PRDM1: variants seen among roughly 807,000 people sequenced by gnomAD.
PRDM1 encodes PR/SET domain 1, also known as PR domain zinc finger protein 1.
In PRDM1, 13 loss-of-function variants were observed where a neutral mutation model predicts 62.8. That is an observed-to-expected ratio of 0.21 (90% CI 0.13 to 0.33). The LOEUF (loss-of-function observed/expected upper bound fraction) is 0.33, where lower values mean the gene tolerates loss of function less well. PRDM1 is among the 10% of genes least tolerant of loss of function. The probability of loss-of-function intolerance (pLI) is 1.00; values close to 1 mark genes in which losing one functional copy is unlikely to be tolerated. For synonymous variants in PRDM1, 396 were observed against 417.6 expected, an observed-to-expected ratio of 0.95 and a Z score of 0.63; for missense variants, 895 against 1,058.8, an observed-to-expected ratio of 0.85 and a Z score of 2.15.
intron 1 of PRDM1, among the ~76,000 whole-genome samples, chr6:106,019,409 C>T (rs941808334): frequency 1.3e-5 from 2 of 150,980 alleles, no homozygotes; most frequent in African/African-American, 2.4e-5. Flanking sequence ...ATAGATCGCT[C>T]ATACTGAGTT....
At chr6:106,054,907 A>G (rs547806728) in intron 1 of PRDM1, among the ~76,000 whole-genome samples, 2 of 152,340 alleles carry the variant, frequency 1.3e-5, no homozygotes, top group Admixed American at 1.3e-4. Context: ...GACAGAGTGG[A>G]TACATATTCT....
intron 1 of PRDM1, among the ~76,000 whole-genome samples, chr6:106,015,404 G>T (rs1000842410): frequency 3.9e-5 from 6 of 152,164 alleles, no homozygotes; most frequent in Admixed American, 2.6e-4. Context: ...AAATTATCCC[G>T]TTTGAGCTTG....
chr6:106,106,538 A>C lies in PRDM1; in HGVS notation c.1902+39A>C, dbSNP rs762723486. On this transcript the variant is annotated intron_variant, in intron 6 of 6. Coordinates refer to ENST00000369096, the MANE Select transcript of PRDM1 (RefSeq NM_001198.4). The surrounding 1 kb of genome is among the most constrained non-coding windows in gnomAD (Gnocchi z 4.4). ...TCTGGGTAGACCTTCTGACCTTTGTAGAAAATGTCTGTGAGTCACCCTCCC... is the reference window on the plus strand; with the variant it reads ...TCTGGGTAGACCTTCTGACCTTTGTCGAAAATGTCTGTGAGTCACCCTCCC... 15 of 1,612,486 alleles carry C rather than the reference A, an allele frequency of 9.3e-6. No individual in the cohort carries two copies. The highest frequency in any genetic ancestry group is 2.2e-5 in the East Asian group (1 of 44,866).
At chr6:106,075,544 C>T (rs1191976720) in intron 1 of PRDM1, among the ~76,000 whole-genome samples, 1 of 152,218 alleles carries the variant, frequency 6.6e-6, no homozygotes, top group Non-Finnish European at 1.5e-5. Context: ...CTGATCATCT[C>T]TTCCCTGGCC....
At chr6:106,053,691 G>A (rs897610220) in intron 1 of PRDM1, among the ~76,000 whole-genome samples, 2 of 152,080 alleles carry the variant, frequency 1.3e-5, no homozygotes, top group African/African-American at 4.8e-5. Flanking sequence ...CTCTCCTTGG[G>A]ACCTAGTTAT....
At chr6:106,099,898 G>C (rs1774219554) in intron 4 of PRDM1, among the ~76,000 whole-genome samples, 1 of 152,234 alleles carries the variant, frequency 6.6e-6, no homozygotes, top group Non-Finnish European at 1.5e-5. Flanking sequence ...GCCCTCATCT[G>C]TGGTACTTTG....
intron 1 of PRDM1, among the ~76,000 whole-genome samples, chr6:106,033,161 A>G (rs1405776177): frequency 3.9e-5 from 6 of 151,972 alleles, no homozygotes; most frequent in African/African-American, 1.5e-4. Flanking sequence ...TTTTTAAGAG[A>G]CTGAGTTTTG....
intron 1 of PRDM1, among the ~76,000 whole-genome samples, chr6:106,077,555 T>C (rs545306335): frequency 6.6e-6 from 1 of 152,378 alleles, no homozygotes; most frequent in South Asian, 2.1e-4. Flanking sequence ...AAACCAGGAC[T>C]GCATGTGGAC....
chr6:106,069,621 G>A (rs1038942396), intron 1 of PRDM1, among the ~76,000 whole-genome samples: 4 of 152,204 alleles, frequency 2.6e-5, no homozygotes, highest in African/African-American at 9.6e-5. Context: ...ATACCGTGGA[G>A]AAAGAGGGAC....
Position 106,106,831 on chromosome 6 carries a change from C to G in PRDM1, c.1903-80C>G. The G allele has an allele frequency of 6.9e-7, 1 of 1,445,568 alleles. No individual in the cohort carries two copies. The highest frequency in any genetic ancestry group is 9.4e-7 in the Non-Finnish European group (1 of 1,062,942). 89.5% of individuals were successfully genotyped at this position (1,445,568 alleles called of 1,614,324 possible). ...AGGTTGCTGGGCGTTGGCCGGTAAG[C>G]CTGCCCCTCCCGTTGGCAACTCTTA... On this transcript the variant is annotated intron_variant, in intron 6 of 6. Coordinates refer to ENST00000369096, the MANE Select transcript of PRDM1 (RefSeq NM_001198.4). The surrounding 1 kb of genome is among the most constrained non-coding windows in gnomAD (Gnocchi z 4.4).
At chr6:106,064,523 G>A (rs1392526588) in intron 1 of PRDM1, among the ~76,000 whole-genome samples, 2 of 152,194 alleles carry the variant, frequency 1.3e-5, no homozygotes, top group Non-Finnish European at 2.9e-5. Flanking sequence ...TGTGAAAGGG[G>A]AGATGGGAAG....
upstream of PRDM1, among the ~76,000 whole-genome samples, chr6:106,084,755 T>C (rs1310605751): frequency 6.6e-6 from 1 of 152,224 alleles, no homozygotes; most frequent in Non-Finnish European, 1.5e-5. Flanking sequence ...TTCTGAGGAC[T>C]CTTAGGAATT....
chr6:106,098,646 G>A (rs1033013527), intron 3 of PRDM1: 10 of 1,335,748 alleles, frequency 7.5e-6, no homozygotes, highest in Middle Eastern at 2.0e-4. Context: ...TGTCAAATTC[G>A]GGCTGCTGCC....
chr6:106,084,461 C>T (rs1280118000), upstream of PRDM1, among the ~76,000 whole-genome samples: 1 of 152,180 alleles, frequency 6.6e-6, no homozygotes, highest in Non-Finnish European at 1.5e-5. Flanking sequence ...CTTAAAATAG[C>T]CTTCTTCCCA....
Position 106,086,478 on chromosome 6 carries a change from G to C in PRDM1, c.-76G>C, listed in dbSNP as rs1253506510. 4.2e-6 allele frequency: 6 copies of C among 1,423,838 alleles called. No individual in the cohort carries two copies. The highest frequency in any genetic ancestry group is 2.9e-6 in the Non-Finnish European group (3 of 1,041,592). The allele number at this position is 1,423,838 out of a possible 1,614,324, so 88.2% of individuals were successfully genotyped here. ...AAGCGAGGAGGGACCGCCGAGGTGCGCGTCTGTGCGGCTCAGCCTGGCGGG... is the reference window on the plus strand; with the variant it reads ...AAGCGAGGAGGGACCGCCGAGGTGCCCGTCTGTGCGGCTCAGCCTGGCGGG... On this transcript the variant is annotated 5_prime_UTR_variant, in exon 1 of 7. Transcript: ENST00000369096.
At chr6:106,003,253 CTA>C (rs998548608) in intron 1 of PRDM1, among the ~76,000 whole-genome samples, 7 of 152,204 alleles carry the variant, frequency 4.6e-5, no homozygotes, top group African/African-American at 1.7e-4. Flanking sequence ...TATACCAGGA[CTA>C]TAAACACAAA....
rs78192737 is a variant in PRDM1, at chr6:106,063,413, G to A, written c.-67+14699G>A. On this transcript the variant is annotated intron_variant, in intron 1 of 6. Transcript: ENST00000651185. Reference sequence around the variant, plus strand: ...AAAAGTCACATTTTAAAGCAAAAACGTGAATTGCTGACATGTCAGGCTAAG... The same window carrying A: ...AAAAGTCACATTTTAAAGCAAAAACATGAATTGCTGACATGTCAGGCTAAG... 5.6e-3 allele frequency among the ~76,000 whole-genome samples: 857 copies of A among 152,182 alleles called. 16 individuals carry two copies. Among genetic ancestry groups the A allele is most frequent in the East Asian group, 0.046 (236 of 5,182 alleles).
At chr6:106,095,823 C>A in intron 3 of PRDM1, 89 bp downstream of exon 3, 2 of 1,393,090 alleles carry the variant, frequency 1.4e-6, no homozygotes, top group Admixed American at 1.9e-5. Context: ...TCATCCTGTG[C>A]TGAGAAATGC....
chr6:106,055,773 G>T (rs950663906), intron 1 of PRDM1, among the ~76,000 whole-genome samples: 7 of 152,164 alleles, frequency 4.6e-5, no homozygotes, highest in Admixed American at 4.6e-4. Flanking sequence ...TCTTGCCATG[G>T]TTCTGGAGAG....
Sources: gnomAD v4.1 joint callset for allele counts (sites outside exome capture counted in the v4.1 genomes callset) on GRCh38, gnomAD v4.1.1 for gene constraint, Gnocchi (gnomAD v3.1) non-coding constraint, MANE v1.5 for transcripts, NCBI Gene and HGNC (gene_info 2026-07-23, HGNC 2026-07-21) for gene names.